The following CDH4 variants were observed in gnomAD, a reference collection of about 807,000 sequenced individuals.
CDH4 encodes the protein cadherin-4.
Under a neutral mutation model 86.0 loss-of-function variants are expected in CDH4, and 33 were observed. That is an observed-to-expected ratio of 0.38 (90% CI 0.29 to 0.51). The LOEUF (loss-of-function observed/expected upper bound fraction) is 0.51. CDH4 is among the 20% of genes least tolerant of loss of function. CDH4 has a pLI of 0.86. For missense variants in CDH4, 1,114 were observed against 1,307.4 expected, an observed-to-expected ratio of 0.85 and a Z score of 2.28; for synonymous variants, 555 against 549.4, an observed-to-expected ratio of 1.01 and a Z score of -0.14.
rs1165196075 is a variant in CDH4, at chr20:61,565,196, G to GTGATGGGGTGA, written c.170-178365_170-178364insATGGGGTGATG. On this transcript the variant is annotated intron_variant, in intron 2 of 15. Transcript: ENST00000614565. The stretch of plus-strand genomic sequence containing the variant: ...GGTGGTGGTGGTGGTGGTCCTCTTG[G>GTGATGGGGTGA]TGGTGGTCGCGGTGCTCTCGGTGGT... Among the ~76,000 whole-genome samples the GTGATGGGGTGA allele has an allele frequency of 2.2e-4, 12 of 54,216 alleles. 1 individual carries two copies. The highest frequency in any genetic ancestry group is 3.8e-4 in the Non-Finnish European group (10 of 26,362). 35.6% of individuals were successfully genotyped at this position (54,216 alleles called of 152,430 possible). A position where few individuals can be genotyped will look rare whatever the true frequency, so the allele number is the denominator to read the frequency against.
chr20:61,670,464 T>A (rs776871780), intron 2 of CDH4, among the ~76,000 whole-genome samples: 1 of 152,174 alleles, frequency 6.6e-6, no homozygotes, highest in Non-Finnish European at 1.5e-5. Flanking sequence ...GCATCACGTG[T>A]CCCCTGATGG....
intron 3 of CDH4, among the ~76,000 whole-genome samples, chr20:61,761,132 A>G (rs1387460299): frequency 1.3e-5 from 2 of 152,238 alleles, no homozygotes; most frequent in African/African-American, 2.4e-5. Context: ...AGGTAGAGGA[A>G]TGAACTCTGT....
chr20:61,281,235 T>C (rs1433094876), intron 2 of CDH4, among the ~76,000 whole-genome samples: 1 of 152,040 alleles, frequency 6.6e-6, no homozygotes, highest in Non-Finnish European at 1.5e-5. Context: ...CAGATTCCTG[T>C]GTTGAAATCC....
intron 2 of CDH4, among the ~76,000 whole-genome samples, chr20:61,451,543 T>C (rs1020485266): frequency 6.6e-6 from 1 of 152,242 alleles, no homozygotes; most frequent in Non-Finnish European, 1.5e-5. Flanking sequence ...TGGCAGCATT[T>C]CTTCCTCTTC....
In CDH4 at chr20:61,645,723, C is replaced by G. The variant is rs1024751468; in HGVS notation, c.170-97840C>G. On this transcript the variant is annotated intron_variant, in intron 2 of 15. Coordinates refer to ENST00000614565, the MANE Select transcript of CDH4 (RefSeq NM_001794.5). ...GCTGCACACCCACTCTATTTCACCCCCCTTCAACCACCCAGAACCACAGGG... is the reference window on the plus strand; with the variant it reads ...GCTGCACACCCACTCTATTTCACCCGCCTTCAACCACCCAGAACCACAGGG... Among the ~76,000 whole-genome samples, 4 of 152,170 alleles carry G rather than the reference C, an allele frequency of 2.6e-5. 1 individual carries two copies. Among genetic ancestry groups the G allele is most frequent in the Admixed American group, 6.5e-5 (1 of 15,280 alleles).
intron 2 of CDH4, among the ~76,000 whole-genome samples, chr20:61,529,604 G>A (rs1026099944): frequency 5.3e-5 from 8 of 152,296 alleles, no homozygotes; most frequent in African/African-American, 1.2e-4. Context: ...TCAATGCCTC[G>A]TGTGGTTTGG....
intron 2 of CDH4, among the ~76,000 whole-genome samples, chr20:61,513,291 T>G (rs1023461799): frequency 2.0e-5 from 3 of 152,004 alleles, no homozygotes; most frequent in African/African-American, 7.2e-5. Context: ...GGGCGCAGGG[T>G]GGAAAGGGAA....
intron 4 of CDH4, among the ~76,000 whole-genome samples, chr20:61,835,371 T>A (rs1355928575): frequency 6.6e-6 from 1 of 152,132 alleles, no homozygotes; most frequent in East Asian, 1.9e-4. Context: ...GCCAGTGTTC[T>A]TAATAATAAA....
At chr20:61,656,249 G>A (rs71323516) in intron 2 of CDH4, among the ~76,000 whole-genome samples, 51,002 of 138,514 alleles carry the variant, frequency 0.37, 10,223 homozygotes, top group Non-Finnish European at 0.45. Flanking sequence ...GGGCAGGCGC[G>A]TGCTGGGGTG....
Position 61,901,704 on chromosome 20 carries a change from C to T in CDH4, c.1188+6657C>T, listed in dbSNP as rs77357574. 7.2e-5 allele frequency among the ~76,000 whole-genome samples: 11 copies of T among 152,362 alleles called. No individual in the cohort carries two copies. In the East Asian group the frequency reaches 2.1e-3, roughly 29 times the overall value. On this transcript the variant is annotated intron_variant, in intron 8 of 15. Transcript: ENST00000614565. ...GCCGGGTGGCTGGGAACGTCAAGGC[C>T]TCATTAGGACCAGCCGGACGCTTCT...
chr20:61,639,725 G>A (rs867776585), intron 2 of CDH4, among the ~76,000 whole-genome samples: 3 of 152,136 alleles, frequency 2.0e-5, no homozygotes, highest in Admixed American at 6.5e-5. Context: ...TATTCTTAAC[G>A]CAGCGCAGAA....
chr20:61,763,723 C>T (rs1211329821), intron 3 of CDH4, among the ~76,000 whole-genome samples: 1 of 152,100 alleles, frequency 6.6e-6, no homozygotes, highest in Non-Finnish European at 1.5e-5. Flanking sequence ...TTGGTGGCTG[C>T]CCTCCCCCAT....
intron 2 of CDH4, among the ~76,000 whole-genome samples, chr20:61,321,348 G>A (rs760268561): frequency 1.8e-4 from 27 of 152,086 alleles, no homozygotes; most frequent in Non-Finnish European, 2.2e-4. Context: ...TTCCAGAGGC[G>A]GGGTTACTCT....
intron 3 of CDH4, among the ~76,000 whole-genome samples, chr20:61,755,541 A>T (rs2088554192): frequency 6.9e-6 from 1 of 143,956 alleles, no homozygotes; most frequent in Non-Finnish European, 1.5e-5. Context: ...CCATATACAC[A>T]GTGCATGCTG....
chr20:61,428,706 C>G (rs2085228153), intron 2 of CDH4, among the ~76,000 whole-genome samples: 1 of 152,214 alleles, frequency 6.6e-6, no homozygotes, highest in South Asian at 2.1e-4. Flanking sequence ...TCTTCTCGAT[C>G]TGGATGCTGG....
intron 2 of CDH4, among the ~76,000 whole-genome samples, chr20:61,507,602 C>T (rs1434339400): frequency 6.6e-6 from 1 of 152,088 alleles, no homozygotes; most frequent in Admixed American, 6.5e-5. Flanking sequence ...AGGGTACCTC[C>T]TACAAAATAC....
intron 4 of CDH4, among the ~76,000 whole-genome samples, chr20:61,783,086 A>G (rs1003355953): frequency 6.6e-6 from 1 of 150,828 alleles, no homozygotes; most frequent in African/African-American, 2.4e-5. Context: ...CCTTGTTTCA[A>G]AAAAAAAGAA....
intron 2 of CDH4, among the ~76,000 whole-genome samples, chr20:61,579,503 T>A (rs1383432920): frequency 1.3e-5 from 2 of 151,984 alleles, no homozygotes; most frequent in African/African-American, 2.4e-5. Context: ...GCCAGACTGG[T>A]CTCAAACTCC....
chr20:61,549,691 G>T (rs2086113417), intron 2 of CDH4, among the ~76,000 whole-genome samples: 1 of 152,210 alleles, frequency 6.6e-6, no homozygotes, highest in Non-Finnish European at 1.5e-5. Context: ...GATGTTATGT[G>T]CACCGCTGGG....
Sources: allele counts gnomAD v4.1 joint callset (sites outside exome capture counted in the v4.1 genomes callset), GRCh38; gene constraint gnomAD v4.1.1; transcripts MANE v1.5; gene names NCBI Gene and HGNC (gene_info 2026-07-23, HGNC 2026-07-21).